RANGAP1: variants seen among roughly 807,000 people sequenced by gnomAD.
RANGAP1 encodes ran GTPase-activating protein 1.
Under a neutral mutation model 63.5 loss-of-function variants are expected in RANGAP1, and 38 were observed. The ratio of observed to expected loss-of-function variants is 0.60; its 90% CI spans 0.46 to 0.78. RANGAP1 has a LOEUF of 0.78. Among genes scored for constraint, RANGAP1 ranks in the 30% least tolerant of loss-of-function variants. The probability of loss-of-function intolerance (pLI) is 0.00; values close to 1 mark genes in which losing one functional copy is unlikely to be tolerated. For missense variants in RANGAP1, 630 were observed against 740.3 expected (o/e 0.85, Z 1.73); for synonymous variants, 329 against 310.5 (o/e 1.06, Z -0.63).
chr22:41,249,885 T>A lies in RANGAP1; in HGVS notation c.1484-68A>T, dbSNP rs796184982. On this transcript the variant is annotated intron_variant, in intron 13 of 15. Coordinates refer to ENST00000356244, the MANE Select transcript of RANGAP1 (RefSeq NM_002883.4). ...GAGGGCTGGGCCAAGGCACCCAGGG[T>A]TCCCCCAACACCGCGCAGACACAGG... The A allele has an allele frequency of 2.4e-5, 33 of 1,400,138 alleles. No homozygotes were observed. The African/African-American group carries it at 2.4e-4, about 10-fold the overall frequency. The allele number at this position is 1,400,138 out of a possible 1,614,324, so 86.7% of individuals were successfully genotyped here. A position where few individuals can be genotyped will look rare whatever the true frequency, so the allele number is the denominator to read the frequency against.
upstream of RANGAP1, among the ~76,000 whole-genome samples, chr22:41,287,431 C>T (rs1006784960): frequency 7.4e-5 from 11 of 148,362 alleles, no homozygotes; most frequent in African/African-American, 2.5e-4. Flanking sequence ...ATCTTGGCCT[C>T]CCAAAGTGTT....
intron 7 of RANGAP1, 108 bp from the exon 8 acceptor site, chr22:41,256,932 T>A (rs536295927): frequency 4.0e-6 from 3 of 749,632 alleles, no homozygotes; most frequent in African/African-American, 3.5e-5. Flanking sequence ...CACCACACAC[T>A]GTCCTCCTCT....
chr22:41,271,282 G>T (rs2034801732), intron 3 of RANGAP1, among the ~76,000 whole-genome samples: 1 of 151,786 alleles, frequency 6.6e-6, no homozygotes, highest in African/African-American at 2.4e-5. Context: ...CAGCTACCTG[G>T]GGGGCTGAGA....
At chr22:41,293,007 G>A in the RANGAP1 span, among the ~76,000 whole-genome samples, 534 of 151,856 alleles carry the variant, frequency 3.5e-3, 4 homozygotes, top group African/African-American at 0.012. Flanking sequence ...AGGCCGAGGC[G>A]GGCGGATCAC....
the RANGAP1 span, among the ~76,000 whole-genome samples, chr22:41,294,213 G>C: frequency 6.6e-5 from 10 of 152,242 alleles, no homozygotes; most frequent in Admixed American, 1.3e-4. Context: ...CGCCACGCCT[G>C]ACTGGTTTTC....
chr22:41,265,084 T>C (rs556460715), intron 4 of RANGAP1, among the ~76,000 whole-genome samples: 133 of 152,320 alleles, frequency 8.7e-4, no homozygotes, highest in African/African-American at 3.2e-3. Flanking sequence ...AGAGGTGGCA[T>C]TTGGACTTAG....
chr22:41,255,292 G>C (rs1463475054), intron 10 of RANGAP1, among the ~76,000 whole-genome samples: 1 of 152,188 alleles, frequency 6.6e-6, no homozygotes, highest in African/African-American at 2.4e-5. Flanking sequence ...CCTCAGCTCA[G>C]GGCCTAGCAC....
At chr22:41,297,581 G>C in the RANGAP1 span, among the ~76,000 whole-genome samples, 2 of 150,970 alleles carry the variant, frequency 1.3e-5, no homozygotes, top group Admixed American at 6.6e-5. Context: ...TGAAGCCATG[G>C]CTCACTGCTG....
At chr22:41,262,803 T>C (rs983486860) in intron 5 of RANGAP1, among the ~76,000 whole-genome samples, 4 of 152,204 alleles carry the variant, frequency 2.6e-5, no homozygotes, top group East Asian at 1.9e-4. Flanking sequence ...GTGATGGCCT[T>C]AGCTCCTGCA....
the RANGAP1 span, among the ~76,000 whole-genome samples, chr22:41,291,518 A>G: frequency 6.6e-6 from 1 of 150,994 alleles, no homozygotes; most frequent in Non-Finnish European, 1.5e-5. Flanking sequence ...GAATCACTTG[A>G]ACCTAGGAGG....
intron 8 of RANGAP1, 67 bp from the exon 9 acceptor site, chr22:41,256,357 G>C: frequency 2.7e-6 from 4 of 1,494,586 alleles, no homozygotes; most frequent in Non-Finnish European, 3.7e-6. Context: ...TCTACTCTAA[G>C]CCTCAGTTTC....
At chr22:41,274,288 G>A (rs1164004784) in intron 3 of RANGAP1, among the ~76,000 whole-genome samples, 2 of 152,246 alleles carry the variant, frequency 1.3e-5, no homozygotes, top group Non-Finnish European at 2.9e-5. Flanking sequence ...GCTCCTGCTG[G>A]TTATTTCTGC....
At chr22:41,262,815 G>A (rs1388355011) in intron 5 of RANGAP1, among the ~76,000 whole-genome samples, 2 of 152,206 alleles carry the variant, frequency 1.3e-5, no homozygotes, top group Non-Finnish European at 2.9e-5. Context: ...GCTCCTGCAG[G>A]AGTCCAACTT....
chr22:41,264,279 T>A (rs1273443995), intron 5 of RANGAP1, among the ~76,000 whole-genome samples: 1 of 69,416 alleles, frequency 1.4e-5, no homozygotes, highest in Non-Finnish European at 2.8e-5. Flanking sequence ...AAAGGTGAGC[T>A]GTGACGGTGC....
At chr22:41,281,654 G>A in intron 1 of RANGAP1, 1 of 986,618 alleles carries the variant, frequency 1.0e-6, no homozygotes. Flanking sequence ...AGGCCACAAT[G>A]GCCCCTCAGG....
intron 15 of RANGAP1, among the ~76,000 whole-genome samples, chr22:41,248,714 C>CCT (rs1259660834): frequency 6.6e-6 from 1 of 151,972 alleles, no homozygotes; most frequent in African/African-American, 2.4e-5. Flanking sequence ...GCAAGCCTCC[C>CCT]GACCCCTCCC....
chr22:41,248,002 C>T (rs2033165887), intron 15 of RANGAP1, among the ~76,000 whole-genome samples: 1 of 152,232 alleles, frequency 6.6e-6, no homozygotes, highest in African/African-American at 2.4e-5. Context: ...TAGGATAGCA[C>T]AGGGGCTGCC....
In RANGAP1 at chr22:41,246,132, C is replaced by T. The variant is rs904997540; in HGVS notation, c.*471G>A. On this transcript the variant is annotated 3_prime_UTR_variant, in exon 16 of 16. Coordinates refer to ENST00000356244, the MANE Select transcript of RANGAP1 (RefSeq NM_002883.4). ...CTGCCGCAGGACCAGGGCTTGGTGA[C>T]GAGAAGCAGCCCCAGGCAGGGCAGG... The T allele has an allele frequency of 7.0e-5, 12 of 170,774 alleles. No homozygotes were observed. The highest frequency in any genetic ancestry group is 2.1e-4 in the African/African-American group (9 of 41,996). 10.6% of individuals were successfully genotyped at this position (170,774 alleles called of 1,614,324 possible).
Position 41,258,099 on chromosome 22 carries a change from C to T in RANGAP1, c.623G>A (p.Gly208Glu). The change falls in exon 7 of 16, where the codon GGG (glycine) becomes GAG (glutamate). Residue 208 changes from glycine (G) to glutamate (E), a missense_variant. Coordinates refer to ENST00000356244, the MANE Select transcript of RANGAP1 (RefSeq NM_002883.4). ...TGGCATGTGGACCTCCTCCAGGGTC[C>T]CGATGACCTGTGAAGAGGAGGCAGA... ...TALAEAFRVI[G>E]TLEEVHMPQN... 6.2e-7 allele frequency: 1 copy of T among 1,605,838 alleles called. No homozygotes were observed. Among genetic ancestry groups the T allele is most frequent in the African/African-American group, 1.3e-5 (1 of 74,840 alleles).
Sources: allele counts gnomAD v4.1 joint callset (sites outside exome capture counted in the v4.1 genomes callset), GRCh38; gene constraint gnomAD v4.1.1; transcripts MANE v1.5; gene names NCBI Gene and HGNC (gene_info 2026-07-23, HGNC 2026-07-21).